EML1: variants seen among roughly 807,000 people sequenced by gnomAD.
EML1 encodes the protein echinoderm microtubule-associated protein-like 1.
A neutral mutation model predicts 110.4 loss-of-function variants in EML1; 27 were observed. That is an observed-to-expected ratio of 0.24 (90% CI 0.18 to 0.34). The LOEUF (loss-of-function observed/expected upper bound fraction) is 0.34, where lower values mean the gene tolerates loss of function less well. Ranked by LOEUF, EML1 falls within the 10% of genes least tolerant of loss-of-function variation. The probability of loss-of-function intolerance (pLI) is 1.00; values close to 1 mark genes in which losing one functional copy is unlikely to be tolerated. For missense variants in EML1, 741 were observed against 1,030.9 expected (o/e 0.72, Z 3.85); for synonymous variants, 344 against 385.8 (o/e 0.89, Z 1.27).
intron 1 of EML1, among the ~76,000 whole-genome samples, chr14:99,742,429 TGGAA>T (rs1323699778): frequency 6.6e-6 from 1 of 151,866 alleles, no homozygotes; most frequent in African/African-American, 2.4e-5. Context: ...GTGGAGGAAT[TGGAA>T]GGAGGATCTG....
intron 1 of EML1, among the ~76,000 whole-genome samples, chr14:99,743,820 A>T (rs180710714): frequency 6.6e-6 from 1 of 152,372 alleles, no homozygotes; most frequent in Admixed American, 6.5e-5. Context: ...GTTCTTTTAA[A>T]GTATTGGGTC....
chr14:99,761,024 G>T (rs2057308687), intron 1 of EML1, among the ~76,000 whole-genome samples: 2 of 152,046 alleles, frequency 1.3e-5, no homozygotes, highest in South Asian at 4.1e-4. Flanking sequence ...GCCAACCAAG[G>T]CTCGTAAAGT....
At chr14:99,930,144 C>T (rs1157109342) in intron 17 of EML1, among the ~76,000 whole-genome samples, 1 of 152,162 alleles carries the variant, frequency 6.6e-6, no homozygotes, top group African/African-American at 2.4e-5. Flanking sequence ...GGCTATTTTG[C>T]AAATCAAGGT....
intron 1 of EML1, among the ~76,000 whole-genome samples, chr14:99,767,781 A>T (rs2057382559): frequency 6.6e-6 from 1 of 152,292 alleles, no homozygotes; most frequent in East Asian, 1.9e-4. Flanking sequence ...GTCTTGCATT[A>T]CTGTTGGCTG....
At chr14:99,786,856 G>A (rs1015737293) in intron 1 of EML1, among the ~76,000 whole-genome samples, 1 of 152,180 alleles carries the variant, frequency 6.6e-6, no homozygotes, top group African/African-American at 2.4e-5. Context: ...TAATGAAGCA[G>A]GGCTGGGTAA....
chr14:99,757,340 A>G (rs964690368), intron 1 of EML1, among the ~76,000 whole-genome samples: 1 of 130,694 alleles, frequency 7.7e-6, no homozygotes, highest in African/African-American at 3.3e-5. Context: ...CTCCATTTCA[A>G]AAAAAAAAAA....
chr14:99,924,440 A>G (rs1279043708), intron 17 of EML1, among the ~76,000 whole-genome samples: 1 of 152,248 alleles, frequency 6.6e-6, no homozygotes, highest in East Asian at 1.9e-4. Flanking sequence ...ATACTTGCCT[A>G]TGGCAAAGTT....
In EML1 at chr14:99,907,682, T is replaced by C. The variant is rs138056711; in HGVS notation, c.1053T>C (p.His351=). 149 of 1,614,230 alleles carry C rather than the reference T, an allele frequency of 9.2e-5. No homozygotes were observed. The highest frequency in any genetic ancestry group is 4.5e-4 in the African/African-American group (34 of 75,072). Residue 351 remains histidine, a synonymous_variant, in exon 10 of 22, where the codon CAT becomes CAC. Coordinates refer to ENST00000262233, the MANE Select transcript of EML1 (RefSeq NM_004434.3). ...GTGCTGTGGATGACTCCAACGACCATGTGCTCTCTGTATGGGACTGGCAGA... is the reference window on the plus strand; with the variant it reads ...GTGCTGTGGATGACTCCAACGACCACGTGCTCTCTGTATGGGACTGGCAGA... ...NLCAVDDSND[H]VLSVWDWQKE...
chr14:99,880,590 T>C (rs920430115), intron 4 of EML1, among the ~76,000 whole-genome samples: 2 of 152,222 alleles, frequency 1.3e-5, no homozygotes, highest in African/African-American at 2.4e-5. Flanking sequence ...CAAGATGGCA[T>C]GCCTCGTCCC....
chr14:99,930,834 T>C (rs2060354325), intron 17 of EML1, among the ~76,000 whole-genome samples: 1 of 152,170 alleles, frequency 6.6e-6, no homozygotes, highest in Non-Finnish European at 1.5e-5. Context: ...TAGTTTCAGC[T>C]CATTGAACCT....
At chr14:99,741,310 G>A (rs376179874) in intron 1 of EML1, among the ~76,000 whole-genome samples, 8 of 152,094 alleles carry the variant, frequency 5.3e-5, no homozygotes, top group South Asian at 2.1e-4. Context: ...CACCCTGTTC[G>A]TGTGTTGAGA....
chr14:99,805,776 C>T (rs1196882511), intron 1 of EML1, among the ~76,000 whole-genome samples: 1 of 151,966 alleles, frequency 6.6e-6, no homozygotes, highest in African/African-American at 2.4e-5. Context: ...ACACCCAGCC[C>T]TAGAACCCTT....
chr14:99,854,161 C>T (rs746167304), intron 2 of EML1, among the ~76,000 whole-genome samples: 2 of 152,154 alleles, frequency 1.3e-5, no homozygotes, highest in Non-Finnish European at 2.9e-5. Context: ...GCGGGAAGAG[C>T]GCGTGTCTTT....
Position 99,936,742 on chromosome 14 carries a change from T to A in EML1, c.2095+408T>A, listed in dbSNP as rs1010978943. Among the ~76,000 whole-genome samples, 1 of 152,094 alleles carries A rather than the reference T, an allele frequency of 6.6e-6. No homozygotes were observed. Among genetic ancestry groups the A allele is most frequent in the Admixed American group, 6.5e-5 (1 of 15,282 alleles). The stretch of plus-strand genomic sequence containing the variant: ...GAGGGACCATGAAGTCCATCCCCGC[T>A]GGGTGGACGGCAGCCCTGGGACCCC... On this transcript the variant is annotated intron_variant, in intron 19 of 21. Transcript: ENST00000262233. This position sits in a 1 kb window ranked among gnomAD's most constrained non-coding sequence, Gnocchi z 5.5.
chr14:99,796,231 A>AGAGAGAGAGAGG (rs1555390366), intron 1 of EML1, among the ~76,000 whole-genome samples: 1 of 145,312 alleles, frequency 6.9e-6, no homozygotes, highest in Admixed American at 6.8e-5. Flanking sequence ...AGAGAGAGAG[A>AGAGAGAGAGAGG]AGATAATGTG....
At chr14:99,800,554 C>G (rs555228151) in intron 1 of EML1, among the ~76,000 whole-genome samples, 1 of 152,150 alleles carries the variant, frequency 6.6e-6, no homozygotes, top group African/African-American at 2.4e-5. Context: ...TTTAGAGATG[C>G]AGTCTTTCTT....
Position 99,914,716 on chromosome 14 carries a change from T to G in EML1, c.1752+19T>G. 1 of 1,589,612 alleles carries G rather than the reference T, an allele frequency of 6.3e-7. No homozygotes were observed. Among genetic ancestry groups the G allele is most frequent in the Admixed American group, 1.9e-5 (1 of 52,448 alleles). On this transcript the variant is annotated intron_variant, in intron 15 of 21. Coordinates refer to ENST00000262233, the MANE Select transcript of EML1 (RefSeq NM_004434.3). ...AATAGAGGTAAACATGCACATTACA[T>G]TTCCATTTTTCTTACAGAAATTCAT...
chr14:99,783,245 G>C (rs1490534353), intron 1 of EML1, among the ~76,000 whole-genome samples: 2 of 148,772 alleles, frequency 1.3e-5, no homozygotes, highest in Non-Finnish European at 3.0e-5. Flanking sequence ...TGCGGTGTCT[G>C]GTTTTTTGTC....
chr14:99,897,072 G>C, intron 6 of EML1, 73 bp from the exon 7 acceptor site: 1 of 1,352,986 alleles, frequency 7.4e-7, no homozygotes, highest in South Asian at 1.7e-5. Context: ...TTTATTGCCT[G>C]TGCCTGTTGA....
Sources: allele counts gnomAD v4.1 joint callset (sites outside exome capture counted in the v4.1 genomes callset), GRCh38; gene constraint gnomAD v4.1.1; non-coding constraint Gnocchi (gnomAD v3.1); transcripts MANE v1.5; gene names NCBI Gene and HGNC (gene_info 2026-07-23, HGNC 2026-07-21).